POLR1F: variants seen among roughly 807,000 people sequenced by gnomAD.
The protein encoded by POLR1F is DNA-directed RNA polymerase I subunit RPA43.
In POLR1F, 23 loss-of-function variants were observed where a neutral mutation model predicts 21.8. That is an observed-to-expected ratio of 1.05 (90% CI 0.76 to 1.49). The LOEUF is 1.49. Among genes scored for constraint, POLR1F ranks in the 40% most tolerant of loss-of-function variants. The pLI is 0.00. For missense variants in POLR1F, 435 were observed against 412.1 expected, an observed-to-expected ratio of 1.06 and a Z score of -0.48; for synonymous variants, 162 against 152.8, an observed-to-expected ratio of 1.06 and a Z score of -0.45.
rs1783574969 is a variant in POLR1F, at chr7:19,708,819, C to G, written c.198G>C (p.Arg66Ser). The change falls in exon 1 of 4, where the codon AGG becomes AGC. Residue 66 changes from arginine (R) to serine (S), a missense_variant. Transcript: ENST00000222567. ...GCTGTTCTCGAATGCCGGTGCGTTT[C>G]CTGTTAAGGTAGCGGGGCGACAGCG... ...HIALSPRYLN[R>S]KRTGIREQLD... The G allele has an allele frequency of 6.2e-7, 1 of 1,614,152 alleles. No individual in the cohort carries two copies. The highest frequency in any genetic ancestry group is 8.5e-7 in the Non-Finnish European group (1 of 1,179,972).
At chr7:19,705,017 G>A in intron 1 of POLR1F, 97 bp from the exon 2 acceptor site, 2 of 1,292,546 alleles carry the variant, frequency 1.5e-6, no homozygotes, top group Non-Finnish European at 2.1e-6. Flanking sequence ...AGGATAGGGT[G>A]CAGTGACATC....
intron 1 of POLR1F, among the ~76,000 whole-genome samples, chr7:19,707,340 CAG>C (rs1283107564): frequency 6.6e-6 from 1 of 152,042 alleles, no homozygotes; most frequent in African/African-American, 2.4e-5. Context: ...CTTAAGAAAA[CAG>C]AAACACAAAA....
chr7:19,699,200 T>C (rs986304869), intron 3 of POLR1F, among the ~76,000 whole-genome samples: 2 of 152,190 alleles, frequency 1.3e-5, no homozygotes, highest in African/African-American at 2.4e-5. Context: ...TTTCAAATAA[T>C]AGTCCATTGT....
At chr7:19,703,463 A>T (rs1307464150) in intron 2 of POLR1F, among the ~76,000 whole-genome samples, 2 of 152,178 alleles carry the variant, frequency 1.3e-5, no homozygotes, top group African/African-American at 4.8e-5. Context: ...ATAATAATTG[A>T]AGGAAAAGTG....
intron 1 of POLR1F, among the ~76,000 whole-genome samples, chr7:19,708,155 T>C (rs761547641): frequency 3.7e-4 from 57 of 152,226 alleles, no homozygotes; most frequent in Non-Finnish European, 4.7e-4. Context: ...GGCTCACTAG[T>C]TCGACTGAAT....
In POLR1F at chr7:19,702,905, T is replaced by C. The variant is rs529042551; in HGVS notation, c.396+1874A>G. 7.9e-4 allele frequency among the ~76,000 whole-genome samples: 120 copies of C among 152,302 alleles called. 1 individual carries two copies. Among genetic ancestry groups the C allele is most frequent in the African/African-American group, 2.8e-3 (118 of 41,572 alleles). ...ATAACGATACAGAGTAAATGAAGTG[T>C]TGAATGGGAAATCAGTCTGACAATG... On this transcript the variant is annotated intron_variant, in intron 2 of 3. Coordinates refer to ENST00000222567, the MANE Select transcript of POLR1F (RefSeq NM_001002926.2).
At position 19,696,946 on chromosome 7, in the gene POLR1F, T is replaced by C. The variant is rs573718989; in HGVS notation, c.*1370A>G. On this transcript the variant is annotated 3_prime_UTR_variant, in exon 4 of 4. Coordinates refer to ENST00000222567, the MANE Select transcript of POLR1F (RefSeq NM_001002926.2). ...AAAGAGGTTGGCCTGCATCCTTCCA[T>C]TGTCTAGCACATCTACTTGTAGACA... 2.0e-5 allele frequency: 3 copies of C among 152,250 alleles called. No homozygotes were observed. Among genetic ancestry groups the C allele is most frequent in the African/African-American group, 7.2e-5 (3 of 41,582 alleles). 9.4% of individuals were successfully genotyped at this position (152,250 alleles called of 1,614,324 possible).
rs1051262782 is a variant in POLR1F, at chr7:19,696,646, T to G, written c.*1670A>C. 3 of 152,086 alleles carry G rather than the reference T, an allele frequency of 2.0e-5. No homozygotes were observed. The highest frequency in any genetic ancestry group is 7.2e-5 in the African/African-American group (3 of 41,434). The allele number at this position is 152,086 out of a possible 1,614,324, so 9.4% of individuals were successfully genotyped here. Reference sequence around the variant, plus strand: ...ATTTCAATTTTTTTTCAACTCATACTTCCTTTAAAATAGCACTGACCAAAA... The same window carrying G: ...ATTTCAATTTTTTTTCAACTCATACGTCCTTTAAAATAGCACTGACCAAAA... On this transcript the variant is annotated 3_prime_UTR_variant, in exon 4 of 4. Transcript: ENST00000222567.
intron 1 of POLR1F, among the ~76,000 whole-genome samples, chr7:19,705,773 G>A (rs531922068): frequency 4.3e-4 from 66 of 152,272 alleles, no homozygotes; most frequent in African/African-American, 1.5e-3. Context: ...ACCTAGTGGT[G>A]GGAGGCGGAG....
At chr7:19,703,160 C>T (rs1456181503) in intron 2 of POLR1F, among the ~76,000 whole-genome samples, 4 of 152,152 alleles carry the variant, frequency 2.6e-5, no homozygotes, top group African/African-American at 4.8e-5. Flanking sequence ...TACCAATACA[C>T]ACAACAGCAT....
At position 19,704,759 on chromosome 7, in the gene POLR1F, GA is replaced by G; in HGVS notation, c.396+19del. The G allele has an allele frequency of 6.4e-7, 1 of 1,572,458 alleles. No individual in the cohort carries two copies. The highest frequency in any genetic ancestry group is 2.1e-5 in the Admixed American group (1 of 48,054). On this transcript the variant is annotated intron_variant, in intron 2 of 3. Transcript: ENST00000222567. ...TTATAGAATTATACAAAGGGAGCTA[GA>G]AAAAAGTGATACACATACCATAAGC... is the stretch of plus-strand genomic sequence containing the variant.
chr7:19,706,563 G>A (rs569727459), intron 1 of POLR1F, among the ~76,000 whole-genome samples: 1 of 152,278 alleles, frequency 6.6e-6, no homozygotes, highest in Admixed American at 6.5e-5. Context: ...CTGATACAAT[G>A]AGGAAATGTC....
At chr7:19,704,097 G>A (rs2128006776) in intron 2 of POLR1F, among the ~76,000 whole-genome samples, 1 of 152,152 alleles carries the variant, frequency 6.6e-6, no homozygotes, top group East Asian at 1.9e-4. Context: ...TGGTTAAATT[G>A]ATCTATATTT....
chr7:19,700,161 G>A lies in POLR1F; in HGVS notation c.516C>T (p.Asn172=). The change falls in exon 3 of 4, where the codon AAC becomes AAT. Residue 172 remains asparagine (N), a synonymous_variant. Transcript: ENST00000222567. ...CTTCAAATTCTAGTTCATCACCCAT[G>A]TTTATCTCCATGGTTTGCCACTGCT... The part of the protein sequence containing the change: ...SAEQWQTMEI[N]MGDELEFEVF... 3 of 1,613,900 alleles carry A rather than the reference G, an allele frequency of 1.9e-6. No homozygotes were observed. Among genetic ancestry groups the A allele is most frequent in the Middle Eastern group, 1.6e-4 (1 of 6,062 alleles).
rs1783406595 is a variant in POLR1F, at chr7:19,698,598, T to A, written c.735A>T (p.Thr245=). 6.2e-7 allele frequency: 1 copy of A among 1,613,542 alleles called. No homozygotes were observed. Among genetic ancestry groups the A allele is most frequent in the Non-Finnish European group, 8.5e-7 (1 of 1,179,800 alleles). The change falls in exon 4 of 4, where the codon ACA becomes ACT. Residue 245 remains threonine, a synonymous_variant. Transcript: ENST00000222567. ...TGTCATCTGCATCATCTGCTAGCTT[T>A]GTGGTACCACTGTCCACTTCATATG... ...PETYEVDSGT[T]KLADDADDTP...
Position 19,708,794 on chromosome 7 carries a change from G to A in POLR1F, c.223C>T (p.Leu75Phe). 6.2e-7 allele frequency: 1 copy of A among 1,613,832 alleles called. No homozygotes were observed. The highest frequency in any genetic ancestry group is 8.5e-7 in the Non-Finnish European group (1 of 1,179,684). The change falls in exon 1 of 4, where the codon CTT becomes TTT. Residue 75 changes from leucine to phenylalanine, a missense_variant. Transcript: ENST00000222567. The stretch of plus-strand genomic sequence containing the variant: ...GAATAGCGAAGGAGCTCCGCATCAA[G>A]CTGTTCTCGAATGCCGGTGCGTTTC... ...NRKRTGIREQLDAELLRYSES... is the reference protein window; with the variant it reads ...NRKRTGIREQFDAELLRYSES...
At chr7:19,706,018 C>T (rs1783519573) in intron 1 of POLR1F, among the ~76,000 whole-genome samples, 1 of 152,176 alleles carries the variant, frequency 6.6e-6, no homozygotes, top group Non-Finnish European at 1.5e-5. Flanking sequence ...TTGAACCTAT[C>T]TGTATATATG....
intron 2 of POLR1F, among the ~76,000 whole-genome samples, chr7:19,701,721 G>C (rs899987102): frequency 6.6e-6 from 1 of 151,606 alleles, no homozygotes; most frequent in Admixed American, 6.6e-5. Flanking sequence ...GATGGCCTCT[G>C]GGGGGGCAGG....
Position 19,704,767 on chromosome 7 carries a change from T to G in POLR1F, c.396+12A>C, listed in dbSNP as rs1159581007. ...TTATACAAAGGGAGCTAGAAAAAAG[T>G]GATACACATACCATAAGCTTCTGCC... On this transcript the variant is annotated intron_variant, in intron 2 of 3. Coordinates refer to ENST00000222567, the MANE Select transcript of POLR1F (RefSeq NM_001002926.2). The G allele has an allele frequency of 6.3e-7, 1 of 1,578,274 alleles. No homozygotes were observed. The highest frequency in any genetic ancestry group is 2.0e-5 in the Admixed American group (1 of 49,252).
Sources: gnomAD v4.1 joint callset for allele counts (sites outside exome capture counted in the v4.1 genomes callset) on GRCh38, gnomAD v4.1.1 for gene constraint, MANE v1.5 for transcripts, NCBI Gene and HGNC (gene_info 2026-07-23, HGNC 2026-07-21) for gene names.